TRAPPC9: variants seen among roughly 807,000 people sequenced by gnomAD.
TRAPPC9 encodes IKK2 binding protein.
A neutral mutation model predicts 124.0 loss-of-function variants in TRAPPC9; 83 were observed. The ratio of observed to expected loss-of-function variants is 0.67; its 90% confidence interval spans 0.56 to 0.80. The LOEUF (loss-of-function observed/expected upper bound fraction) is 0.80, where lower values mean the gene tolerates loss of function less well. Ranked by LOEUF, TRAPPC9 falls within the 30% of genes least tolerant of loss-of-function variation. TRAPPC9 has a pLI of 0.00. For missense variants in TRAPPC9, 1,302 were observed against 1,508.3 expected (o/e 0.86, Z 2.27); for synonymous variants, 638 against 617.5 (o/e 1.03, Z -0.49).
intron 17 of TRAPPC9, among the ~76,000 whole-genome samples, chr8:140,183,027 GA>G (rs58178875): frequency 0.057 from 8,247 of 144,152 alleles, 586 homozygotes; most frequent in African/African-American, 0.17. Context: ...CATTATTGGG[GA>G]AAAAAAAAAA....
chr8:139,729,264 G>C lies in TRAPPC9; in HGVS notation c.*1797C>G, dbSNP rs1278658414. Among the ~76,000 whole-genome samples, 1 of 152,258 alleles carries C rather than the reference G, an allele frequency of 6.6e-6. No homozygotes were observed. The highest frequency in any genetic ancestry group is 2.4e-5 in the African/African-American group (1 of 41,470). On this transcript the variant is annotated 3_prime_UTR_variant, in exon 23 of 23. Coordinates refer to ENST00000438773, the MANE Select transcript of TRAPPC9 (RefSeq NM_001160372.4). ...ATTTGGGGGGACATTGTCTACACAAGTGAGGTTGGGCTGAGCCCATCATCC... is the reference window on the plus strand; with the variant it reads ...ATTTGGGGGGACATTGTCTACACAACTGAGGTTGGGCTGAGCCCATCATCC...
intron 16 of TRAPPC9, among the ~76,000 whole-genome samples, chr8:140,234,306 C>CA (rs907388998): frequency 6.6e-6 from 1 of 152,166 alleles, no homozygotes; most frequent in Non-Finnish European, 1.5e-5. Context: ...ACCCTGGTGC[C>CA]AAAAAGCCTG....
rs551296859 is a variant in TRAPPC9, at chr8:139,872,649, T to C, written c.3055+13230A>G. ...ACGGGTTGATGGGTAAATGGTTGGA[T>C]AAGTGGATGGATGGATGGGTGGGCT... On this transcript the variant is annotated intron_variant, in intron 21 of 22. Coordinates refer to ENST00000438773, the MANE Select transcript of TRAPPC9 (RefSeq NM_001160372.4). Among the ~76,000 whole-genome samples the C allele has an allele frequency of 4.7e-5, 7 of 149,326 alleles. No individual in the cohort carries two copies. In the South Asian group the frequency reaches 1.1e-3, roughly 23 times the overall value.
At chr8:139,848,998 G>A (rs1341879204) in intron 21 of TRAPPC9, among the ~76,000 whole-genome samples, 1 of 152,236 alleles carries the variant, frequency 6.6e-6, no homozygotes, top group African/African-American at 2.4e-5. Context: ...AACACTCAAT[G>A]TGGGTGACTT....
chr8:140,222,863 C>T (rs2063367329), intron 16 of TRAPPC9, among the ~76,000 whole-genome samples: 1 of 152,170 alleles, frequency 6.6e-6, no homozygotes, highest in African/African-American at 2.4e-5. Flanking sequence ...CCAGAGGCAA[C>T]TTGTGCAAGA....
chr8:139,852,177 C>T (rs766089003), intron 21 of TRAPPC9, among the ~76,000 whole-genome samples: 1 of 152,176 alleles, frequency 6.6e-6, no homozygotes, highest in East Asian at 1.9e-4. Context: ...GAGACTTGCT[C>T]CTCCTTGCCT....
intron 18 of TRAPPC9, among the ~76,000 whole-genome samples, chr8:139,992,126 A>G (rs59305636): frequency 0.11 from 17,128 of 152,252 alleles, 1,993 homozygotes; most frequent in African/African-American, 0.3. Flanking sequence ...AGTCATACAC[A>G]TCAACTAAAA....
At chr8:140,081,597 CAGCCTCCCAA>C (rs1843824447) in intron 17 of TRAPPC9, among the ~76,000 whole-genome samples, 1 of 152,206 alleles carries the variant, frequency 6.6e-6, no homozygotes, top group Non-Finnish European at 1.5e-5. Context: ...CCGCCCACCT[CAGCCTCCCAA>C]AGTGCTGGGA....
At chr8:140,272,356 A>G (rs535050097) in intron 15 of TRAPPC9, among the ~76,000 whole-genome samples, 17 of 104,602 alleles carry the variant, frequency 1.6e-4, no homozygotes, top group African/African-American at 8.1e-4. Context: ...CAGTGGAGAG[A>G]GTGGTGGTAG....
chr8:140,325,170 G>A (rs956534996), intron 9 of TRAPPC9, among the ~76,000 whole-genome samples: 3 of 152,104 alleles, frequency 2.0e-5, no homozygotes, highest in African/African-American at 7.2e-5. Context: ...AAACACAACA[G>A]GTCAATATTT....
At chr8:140,307,431 T>C (rs867631837) in intron 10 of TRAPPC9, among the ~76,000 whole-genome samples, 2 of 152,198 alleles carry the variant, frequency 1.3e-5, no homozygotes, top group Non-Finnish European at 2.9e-5. Context: ...CAAAATATTC[T>C]AAGGGATCCA....
Position 139,800,978 on chromosome 8 carries a change from C to T in TRAPPC9, c.3056-68776G>A, listed in dbSNP as rs527484607. On this transcript the variant is annotated intron_variant, in intron 21 of 22. Coordinates refer to ENST00000438773, the MANE Select transcript of TRAPPC9 (RefSeq NM_001160372.4). ...GTACCTGTACCTTCCCTCCCTCCGG[C>T]ATCTTCCCCCGCTCTGGCACCTTCC... is the stretch of plus-strand genomic sequence containing the variant. 3.4e-5 allele frequency among the ~76,000 whole-genome samples: 5 copies of T among 146,490 alleles called. No individual in the cohort carries two copies. The East Asian group carries it at 1.0e-3, about 30-fold the overall frequency.
intron 15 of TRAPPC9, among the ~76,000 whole-genome samples, chr8:140,261,983 A>T: frequency 1.3e-5 from 2 of 152,132 alleles, no homozygotes; most frequent in East Asian, 3.9e-4. Flanking sequence ...TCTATGGAGT[A>T]CTCCCGTAAA....
intron 17 of TRAPPC9, among the ~76,000 whole-genome samples, chr8:140,194,914 A>T (rs1333856032): frequency 2.0e-5 from 3 of 152,064 alleles, no homozygotes; most frequent in Non-Finnish European, 2.9e-5. Context: ...GATCCACTAT[A>T]CAGCTCACAC....
At chr8:140,211,512 T>C (rs2131253415) in intron 17 of TRAPPC9, among the ~76,000 whole-genome samples, 1 of 152,328 alleles carries the variant, frequency 6.6e-6, no homozygotes, top group Non-Finnish European at 1.5e-5. Flanking sequence ...TGTGCTGTGA[T>C]CACACCACTG....
chr8:139,746,937 C>T (rs1208178206), intron 21 of TRAPPC9, among the ~76,000 whole-genome samples: 6 of 152,196 alleles, frequency 3.9e-5, no homozygotes, highest in Non-Finnish European at 8.8e-5. Context: ...AAGTGCTTCC[C>T]CTTCAACCTT....
intron 17 of TRAPPC9, among the ~76,000 whole-genome samples, chr8:140,195,133 C>T (rs1178997097): frequency 2.0e-5 from 3 of 151,906 alleles, no homozygotes; most frequent in Non-Finnish European, 4.4e-5. Context: ...CTCAACGATC[C>T]ACTGTACAGA....
chr8:140,436,803 T>C (rs1879818), intron 3 of TRAPPC9, among the ~76,000 whole-genome samples: 109,594 of 152,140 alleles, frequency 0.72, 40,134 homozygotes, highest in East Asian at 1. Flanking sequence ...AGGGAGACAA[T>C]GCTCTTTCAA....
At chr8:140,337,429 A>G (rs188187776) in intron 9 of TRAPPC9, among the ~76,000 whole-genome samples, 5 of 152,310 alleles carry the variant, frequency 3.3e-5, no homozygotes. Context: ...CTAAGAAGAT[A>G]AATACTGGCT....
Sources: gnomAD v4.1 joint callset for allele counts (sites outside exome capture counted in the v4.1 genomes callset) on GRCh38, gnomAD v4.1.1 for gene constraint, MANE v1.5 for transcripts, NCBI Gene and HGNC (gene_info 2026-07-23, HGNC 2026-07-21) for gene names.